The following NELL2 variants were observed in gnomAD, a reference collection of about 807,000 sequenced individuals.
The protein encoded by NELL2 is protein kinase C-binding protein NELL2.
A neutral mutation model predicts 109.6 loss-of-function variants in NELL2; 41 were observed. The ratio of observed to expected loss-of-function variants is 0.37; its 90% CI spans 0.29 to 0.49. The LOEUF (loss-of-function observed/expected upper bound fraction) is 0.49, where lower values mean the gene tolerates loss of function less well. NELL2 is among the 20% of genes least tolerant of loss of function. The pLI is 0.98. For missense variants in NELL2, 900 were observed against 1,008.3 expected, an observed-to-expected ratio of 0.89 and a Z score of 1.45; for synonymous variants, 355 against 344.7, an observed-to-expected ratio of 1.03 and a Z score of -0.33.
chr12:44,769,537 GA>G (rs1941464343), intron 9 of NELL2, among the ~76,000 whole-genome samples: 1 of 152,052 alleles, frequency 6.6e-6, no homozygotes, highest in African/African-American at 2.4e-5. Flanking sequence ...AAGCACTTTG[GA>G]AAACTGTTTG....
chr12:44,886,138 AG>A lies in NELL2; in HGVS notation c.39-10239del, dbSNP rs1244899332. ...AAGGAAGGAAGGAAGGAAGGAAGGA[AG>A]GAAGGAAGAAAGGGAGAGAATCCTC... is the stretch of plus-strand genomic sequence containing the variant. On this transcript the variant is annotated intron_variant, in intron 1 of 20. Coordinates refer to the NELL2 transcript ENST00000333837. Among the ~76,000 whole-genome samples, 265 of 148,868 alleles carry A rather than the reference AG, an allele frequency of 1.8e-3. 4 individuals are homozygous for A. Among genetic ancestry groups the A allele is most frequent in the African/African-American group, 6.3e-3 (251 of 39,762 alleles).
At chr12:44,652,890 T>C (rs908434423) in intron 13 of NELL2, among the ~76,000 whole-genome samples, 2 of 152,170 alleles carry the variant, frequency 1.3e-5, no homozygotes, top group African/African-American at 4.8e-5. Context: ...TGCTCATGAC[T>C]CCTTATCTAT....
chr12:44,753,090 C>T (rs946787254), intron 9 of NELL2, among the ~76,000 whole-genome samples: 1 of 152,126 alleles, frequency 6.6e-6, no homozygotes, highest in African/African-American at 2.4e-5. Flanking sequence ...GAGTCTTGAA[C>T]TTACTGTCCT....
intron 15 of NELL2, among the ~76,000 whole-genome samples, chr12:44,567,032 G>A (rs1161041957): frequency 5.3e-5 from 8 of 152,080 alleles, no homozygotes; most frequent in African/African-American, 9.6e-5. Flanking sequence ...GGCTGGTCTC[G>A]AACTCCTGAC....
chr12:44,727,116 C>G (rs1276035466), intron 9 of NELL2, among the ~76,000 whole-genome samples: 2 of 152,178 alleles, frequency 1.3e-5, no homozygotes, highest in East Asian at 3.9e-4. Context: ...GTTCAATGAT[C>G]ACACTTAGAG....
rs1241703057 is a variant in NELL2, at chr12:44,648,913, T to TGC, written c.1444+16570_1444+16571insGC. On this transcript the variant is annotated intron_variant, in intron 13 of 19. Transcript: ENST00000429094. ...ACCACGCCCAGCTTGTGTGTGTGTG[T>TGC]GTGTGTGTGTGTGTGTGTGTGTGTG... 3.4e-5 allele frequency among the ~76,000 whole-genome samples: 5 copies of TGC among 145,128 alleles called. No homozygotes were observed. The South Asian group carries it at 8.9e-4, about 26-fold the overall frequency.
intron 9 of NELL2, among the ~76,000 whole-genome samples, chr12:44,718,996 T>C (rs892606925): frequency 4.6e-5 from 7 of 152,172 alleles, no homozygotes; most frequent in Non-Finnish European, 8.8e-5. Flanking sequence ...TAGGACAATA[T>C]AACACTTGAT....
chr12:44,612,817 CTTGG>C (rs1447413390), intron 13 of NELL2, among the ~76,000 whole-genome samples: 1 of 151,976 alleles, frequency 6.6e-6, no homozygotes, highest in East Asian at 1.9e-4. Context: ...TAATCCCTGC[CTTGG>C]TTGTCTTTTT....
intron 3 of NELL2, among the ~76,000 whole-genome samples, chr12:44,793,773 C>A (rs1942518264): frequency 6.6e-6 from 1 of 152,070 alleles, no homozygotes. Context: ...CATTAGCTAT[C>A]ATTAATAGAA....
chr12:44,617,691 CAAAAAAAAAAA>C (rs975070930), intron 13 of NELL2, among the ~76,000 whole-genome samples: 2 of 22,390 alleles, frequency 8.9e-5, no homozygotes, highest in East Asian at 1.4e-3. Flanking sequence ...GACTCCGTCT[CAAAAAAAAAAA>C]AAAAAAAAAA....
intron 2 of NELL2, among the ~76,000 whole-genome samples, chr12:44,821,736 T>C (rs1321386850): frequency 1.3e-5 from 2 of 151,586 alleles, no homozygotes; most frequent in Non-Finnish European, 2.9e-5. Context: ...TTTTTTTTTT[T>C]AGACAGAGTC....
intron 15 of NELL2, among the ~76,000 whole-genome samples, chr12:44,587,601 T>C (rs1592162888): frequency 1.3e-5 from 2 of 152,078 alleles, no homozygotes; most frequent in African/African-American, 4.8e-5. Flanking sequence ...TGGAGTCAAA[T>C]AGTCCAACTA....
At chr12:44,762,040 C>T (rs1941148986) in intron 9 of NELL2, among the ~76,000 whole-genome samples, 1 of 152,040 alleles carries the variant, frequency 6.6e-6, no homozygotes, top group South Asian at 2.1e-4. Flanking sequence ...AAATAAAATA[C>T]ATTAAATATG....
upstream of NELL2, chr12:44,876,380 A>T: frequency 8.1e-7 from 1 of 1,227,286 alleles, no homozygotes; most frequent in Admixed American, 3.8e-5. Context: ...GGGCCGGGGG[A>T]GGCGGGGTAA....
chr12:44,805,388 T>C (rs61930965), intron 3 of NELL2, among the ~76,000 whole-genome samples: 1 of 151,806 alleles, frequency 6.6e-6, no homozygotes, highest in Non-Finnish European at 1.5e-5. Context: ...TCTGCAGAAA[T>C]CAACAAATAG....
chr12:44,548,476 C>T (rs192619288), intron 15 of NELL2, among the ~76,000 whole-genome samples: 24 of 150,866 alleles, frequency 1.6e-4, no homozygotes, highest in Admixed American at 6.6e-4. Flanking sequence ...ACCTGGGAGG[C>T]GGAGGTTGCA....
chr12:44,742,780 C>T (rs909323067), intron 9 of NELL2, among the ~76,000 whole-genome samples: 7 of 152,232 alleles, frequency 4.6e-5, no homozygotes, highest in Middle Eastern at 3.4e-3. Context: ...TGAACAAAGC[C>T]TCCAAGAAAA....
intron 12 of NELL2, among the ~76,000 whole-genome samples, chr12:44,683,437 C>T (rs1365696637): frequency 1.3e-5 from 2 of 151,124 alleles, no homozygotes; most frequent in South Asian, 2.1e-4. Context: ...ACTGCCCTGG[C>T]CAGAAACTCC....
intron 1 of NELL2, among the ~76,000 whole-genome samples, chr12:44,895,437 T>C (rs1398985518): frequency 6.6e-6 from 1 of 152,206 alleles, no homozygotes; most frequent in African/African-American, 2.4e-5. Context: ...ATATAGTAGA[T>C]TGTATTCATA....
Sources: allele counts gnomAD v4.1 joint callset (sites outside exome capture counted in the v4.1 genomes callset), GRCh38; gene constraint gnomAD v4.1.1; transcripts MANE v1.5; gene names NCBI Gene and HGNC (gene_info 2026-07-23, HGNC 2026-07-21).